FRMD6: variants seen among roughly 807,000 people sequenced by gnomAD.
FRMD6 encodes FERM domain containing 6.
A neutral mutation model predicts 73.2 loss-of-function variants in FRMD6; 37 were observed. The observed-to-expected ratio is 0.51, with a 90% CI of 0.39 to 0.66. FRMD6 has a LOEUF of 0.66. Among genes scored for constraint, FRMD6 ranks in the 30% least tolerant of loss-of-function variants. The pLI is 0.00. For synonymous variants in FRMD6, 273 were observed against 282.2 expected, an observed-to-expected ratio of 0.97 and a Z score of 0.33; for missense variants, 714 against 780.5, an observed-to-expected ratio of 0.91 and a Z score of 1.02.
intron 2 of FRMD6, among the ~76,000 whole-genome samples, chr14:51,604,800 T>C (rs1890179998): frequency 6.6e-6 from 1 of 152,140 alleles, no homozygotes; most frequent in Non-Finnish European, 1.5e-5. Flanking sequence ...CTTTATACTC[T>C]TCCAGGCCCT....
the FRMD6 span, among the ~76,000 whole-genome samples, chr14:51,448,592 G>T: frequency 6.6e-6 from 1 of 152,176 alleles, no homozygotes; most frequent in Non-Finnish European, 1.5e-5. Context: ...TTACCCATTG[G>T]CAAGGAAAGA....
chr14:51,657,140 G>A (rs188689055), intron 1 of FRMD6, among the ~76,000 whole-genome samples: 1 of 152,036 alleles, frequency 6.6e-6, no homozygotes, highest in Non-Finnish European at 1.5e-5. Context: ...TTTTCTCTCT[G>A]ATTGGGTTAA....
chr14:51,725,846 C>T lies in FRMD6; in HGVS notation c.1560C>T (p.Gly520=), dbSNP rs754204578. 3 of 1,612,886 alleles carry T rather than the reference C, an allele frequency of 1.9e-6. No individual in the cohort carries two copies. The highest frequency in any genetic ancestry group is 2.7e-5 in the African/African-American group (2 of 74,844). The change falls in exon 13 of 14, where the codon GGC becomes GGT. Residue 520 remains glycine (G), a synonymous_variant. Transcript: ENST00000344768. ...CAGAAACAGTTGTTAAGCTTCGTGG[C>T]CAGAGTACTGATTCTCTTCCACAGG... is the stretch of plus-strand genomic sequence containing the variant. ...SSSETVVKLR[G]QSTDSLPQTI...
intron 1 of FRMD6, among the ~76,000 whole-genome samples, chr14:51,492,255 C>T (rs995098141): frequency 6.6e-6 from 1 of 152,170 alleles, no homozygotes; most frequent in African/African-American, 2.4e-5. Flanking sequence ...TTTGAAACTA[C>T]TCTCAGGTAG....
intron 1 of FRMD6, among the ~76,000 whole-genome samples, chr14:51,561,075 C>T (rs1887455015): frequency 6.6e-6 from 1 of 152,168 alleles, no homozygotes; most frequent in Non-Finnish European, 1.5e-5. Flanking sequence ...TTGAAAACAT[C>T]TTGGTTTGGG....
chr14:51,668,828 C>T (rs146006504), intron 1 of FRMD6, among the ~76,000 whole-genome samples: 11 of 151,594 alleles, frequency 7.3e-5, no homozygotes, highest in South Asian at 4.2e-4. Flanking sequence ...CCACCACACC[C>T]GGCTAATTTT....
At chr14:51,445,873 G>A in the FRMD6 span, among the ~76,000 whole-genome samples, 1 of 152,216 alleles carries the variant, frequency 6.6e-6, no homozygotes, top group African/African-American at 2.4e-5. Flanking sequence ...TATTATGACA[G>A]CTAATGCTTC....
rs1182498293 is a variant in FRMD6, at chr14:51,530,136, T to C, written c.-209-40212T>C. Among the ~76,000 whole-genome samples the C allele has an allele frequency of 3.9e-5, 6 of 152,232 alleles. No individual in the cohort carries two copies. In the East Asian group the frequency reaches 9.6e-4, roughly 24 times the overall value. On this transcript the variant is annotated intron_variant, in intron 1 of 14. Transcript: ENST00000356218. Reference sequence around the variant, plus strand: ...CATTCTAAAGAAAGGTAGTAAATACTCAGTTAATCATTTCTTAATTATTTT... The same window carrying C: ...CATTCTAAAGAAAGGTAGTAAATACCCAGTTAATCATTTCTTAATTATTTT...
chr14:51,516,915 C>G (rs1231454450), intron 1 of FRMD6, among the ~76,000 whole-genome samples: 2 of 152,124 alleles, frequency 1.3e-5, no homozygotes, highest in South Asian at 4.1e-4. Context: ...AATCTGATGC[C>G]AATCTTTGAG....
At chr14:51,601,359 ACT>A (rs971696513) in intron 2 of FRMD6, among the ~76,000 whole-genome samples, 1 of 151,946 alleles carries the variant, frequency 6.6e-6, no homozygotes, top group South Asian at 2.1e-4. Context: ...AGGAAAAAAG[ACT>A]CTTGCAATTT....
chr14:51,528,371 C>T (rs908966247), intron 1 of FRMD6, among the ~76,000 whole-genome samples: 16 of 152,200 alleles, frequency 1.1e-4, no homozygotes, highest in African/African-American at 3.4e-4. Flanking sequence ...AGATTTTCCA[C>T]CTGGTTTTGC....
chr14:51,599,541 C>T lies in FRMD6; in HGVS notation c.-147+29131C>T, dbSNP rs2139794857. On this transcript the variant is annotated intron_variant, in intron 2 of 14. Coordinates refer to the FRMD6 transcript ENST00000356218. Reference sequence around the variant, plus strand: ...TCTGCACAACAAAAGAAACAATCAACAGAGTAAACAGACAACCTATGAAAT... The same window carrying T: ...TCTGCACAACAAAAGAAACAATCAATAGAGTAAACAGACAACCTATGAAAT... Among the ~76,000 whole-genome samples, 3 of 152,280 alleles carry T rather than the reference C, an allele frequency of 2.0e-5. 1 individual carries two copies. In the Middle Eastern group the frequency reaches 0.01, roughly 518 times the overall value.
At chr14:51,707,229 T>TC (rs1896676669) in intron 6 of FRMD6, among the ~76,000 whole-genome samples, 1 of 152,136 alleles carries the variant, frequency 6.6e-6, no homozygotes, top group Admixed American at 6.5e-5. Flanking sequence ...GACTATTAAT[T>TC]CATCATATTT....
At chr14:51,665,586 T>C (rs1893527496) in intron 1 of FRMD6, among the ~76,000 whole-genome samples, 1 of 152,222 alleles carries the variant, frequency 6.6e-6, no homozygotes, top group Admixed American at 6.5e-5. Flanking sequence ...GCTCCCCAGC[T>C]GTACTAGTTT....
chr14:51,562,742 A>G (rs1887550253), intron 1 of FRMD6, among the ~76,000 whole-genome samples: 1 of 152,204 alleles, frequency 6.6e-6, no homozygotes, highest in African/African-American at 2.4e-5. Context: ...TAAATTAAAC[A>G]TGATGGGTTG....
chr14:51,679,884 A>G (rs1894679263), intron 1 of FRMD6, among the ~76,000 whole-genome samples: 2 of 152,148 alleles, frequency 1.3e-5, no homozygotes, highest in Admixed American at 1.3e-4. Flanking sequence ...CCAAGTACCT[A>G]TTGTCATTAG....
intron 2 of FRMD6, among the ~76,000 whole-genome samples, chr14:51,594,306 T>TTTTATTAA (rs1555325492): frequency 2.1e-5 from 3 of 142,996 alleles, no homozygotes; most frequent in Admixed American, 6.9e-5. Flanking sequence ...TGTATTTTAT[T>TTTTATTAA]TTTATTTATT....
chr14:51,524,392 C>G (rs1206489808), intron 1 of FRMD6, among the ~76,000 whole-genome samples: 1 of 152,016 alleles, frequency 6.6e-6, no homozygotes, highest in Non-Finnish European at 1.5e-5. Context: ...TATTTATTTT[C>G]TAGAAGGAAT....
At chr14:51,583,206 T>C (rs563272154) in intron 2 of FRMD6, among the ~76,000 whole-genome samples, 1 of 152,300 alleles carries the variant, frequency 6.6e-6, no homozygotes, top group East Asian at 1.9e-4. Flanking sequence ...TTATGTTTAT[T>C]TGTGTCATAA....
Sources: allele counts gnomAD v4.1 joint callset (sites outside exome capture counted in the v4.1 genomes callset), GRCh38; gene constraint gnomAD v4.1.1; transcripts MANE v1.5; gene names NCBI Gene and HGNC (gene_info 2026-07-23, HGNC 2026-07-21).